ANKRD13B: variants seen among roughly 807,000 people sequenced by gnomAD.
The protein encoded by ANKRD13B is ankyrin repeat domain-containing protein 13B.
A neutral mutation model predicts 74.4 loss-of-function variants in ANKRD13B; 33 were observed. The ratio of observed to expected loss-of-function variants is 0.44; its 90% CI spans 0.34 to 0.59. The LOEUF is 0.59. Among genes scored for constraint, ANKRD13B ranks in the 20% least tolerant of loss-of-function variants. The pLI, the probability that ANKRD13B is intolerant of heterozygous loss-of-function variation, is 0.02. For synonymous variants in ANKRD13B, 341 were observed against 362.9 expected, an observed-to-expected ratio of 0.94 and a Z score of 0.68; for missense variants, 676 against 877.9, an observed-to-expected ratio of 0.77 and a Z score of 2.91.
intron 1 of ANKRD13B, among the ~76,000 whole-genome samples, chr17:29,603,132 A>G (rs2034242093): frequency 6.6e-6 from 1 of 151,876 alleles, no homozygotes; most frequent in African/African-American, 2.4e-5. Flanking sequence ...TACAGGCGTG[A>G]GCCACCGCAC....
At position 29,611,506 on chromosome 17, in the gene ANKRD13B, GCTGTCAC is replaced by G; in HGVS notation, c.905-70_905-64del. 1 of 1,513,010 alleles carries G rather than the reference GCTGTCAC, an allele frequency of 6.6e-7. No homozygotes were observed. The highest frequency in any genetic ancestry group is 9.2e-7 in the Non-Finnish European group (1 of 1,089,590). The allele number at this position is 1,513,010 out of a possible 1,614,324, so 93.7% of individuals were successfully genotyped here. On this transcript the variant is annotated intron_variant, in intron 8 of 14. Coordinates refer to ENST00000394859, the MANE Select transcript of ANKRD13B (RefSeq NM_152345.5). This position sits in a 1 kb window ranked among gnomAD's most constrained non-coding sequence, Gnocchi z 4.3. ...CCGGCCTCCTCCCTAGGTCTTGGGT[GCTGTCAC>G]CTCTGATGAGGTGCCCAGGTGTGTG...
chr17:29,595,100 C>G (rs1187027709), intron 1 of ANKRD13B, among the ~76,000 whole-genome samples: 1 of 152,194 alleles, frequency 6.6e-6, no homozygotes, highest in Non-Finnish European at 1.5e-5. Context: ...TCCTCAGACC[C>G]TGTCTTTGTT....
chr17:29,594,530 T>A (rs986359997), intron 1 of ANKRD13B, among the ~76,000 whole-genome samples: 1 of 152,162 alleles, frequency 6.6e-6, no homozygotes, highest in Non-Finnish European at 1.5e-5. Flanking sequence ...CTTCTGGCCA[T>A]GCTTCAGGAT....
At chr17:29,610,549 A>G (rs1567793988) in intron 7 of ANKRD13B, 136 bp from the exon 8 acceptor site, 2 of 587,636 alleles carry the variant, frequency 3.4e-6, no homozygotes, top group Non-Finnish European at 2.9e-6. Flanking sequence ...ATGACCTCAT[A>G]TATTCACTTA....
At position 29,608,088 on chromosome 17, in the gene ANKRD13B, T is replaced by C. The variant is rs775327582; in HGVS notation, c.353T>C (p.Val118Ala). The C allele has an allele frequency of 1.2e-6, 2 of 1,612,818 alleles. No individual in the cohort carries two copies. The highest frequency in any genetic ancestry group is 4.5e-5 in the East Asian group (2 of 44,878). Residue 118 changes from valine to alanine, a missense_variant, in exon 3 of 15, where the codon GTG becomes GCG. By Grantham distance (64) the Val-to-Ala change is moderately conservative. Around this residue, in one of 4 missense-constraint regions of ANKRD13B, gnomAD observed 328 missense variants for 518.4 expected, o/e 0.63. Coordinates refer to ENST00000394859, the MANE Select transcript of ANKRD13B (RefSeq NM_152345.5). The surrounding 1 kb of genome is among the most constrained non-coding windows in gnomAD (Gnocchi z 6.4). ...GTGAAGCGGCTGGCGGGCATCCCCG[T>C]GCTCCTGGAGAAGCTGCGCAAGGTG... Reference protein sequence around the residue: ...RVVKRLAGIPVLLEKLRKAQD... With the variant: ...RVVKRLAGIPALLEKLRKAQD...
Position 29,608,057 on chromosome 17 carries a change from C to T in ANKRD13B, c.322C>T (p.Arg108Trp), listed in dbSNP as rs1344657193. The part of the protein sequence containing the change: ...QLVLRYRDYQ[R>W]VVKRLAGIPV... Reference sequence around the variant, plus strand: ...GGTGCTTCGGTACCGGGACTACCAGCGGGTGGTGAAGCGGCTGGCGGGCAT... The same window carrying T: ...GGTGCTTCGGTACCGGGACTACCAGTGGGTGGTGAAGCGGCTGGCGGGCAT... Residue 108 changes from arginine to tryptophan, a missense_variant, in exon 3 of 15, where the codon CGG (arginine) becomes TGG (tryptophan). By Grantham distance (101) the Arg-to-Trp change is moderately radical (BLOSUM62 -3). Transcript: ENST00000394859. The surrounding 1 kb of genome is among the most constrained non-coding windows in gnomAD (Gnocchi z 6.4). The T allele has an allele frequency of 4.3e-6, 7 of 1,613,400 alleles. No homozygotes were observed. Among genetic ancestry groups the T allele is most frequent in the Non-Finnish European group, 5.9e-6 (7 of 1,179,716 alleles).
Position 29,607,894 on chromosome 17 carries a change from A to C in ANKRD13B, c.250+17A>C. ...GCTGGACAGGTGGGCAGCCCTGCTC[A>C]CCCCAGCCCCACAGCCGGGGCCTCC... On this transcript the variant is annotated intron_variant, in intron 2 of 14. Transcript: ENST00000394859. The C allele has an allele frequency of 6.3e-7, 1 of 1,584,724 alleles. No individual in the cohort carries two copies. Among genetic ancestry groups the C allele is most frequent in the East Asian group, 2.3e-5 (1 of 44,364 alleles).
chr17:29,609,080 T>C lies in ANKRD13B; in HGVS notation c.566-6T>C. The C allele has an allele frequency of 6.2e-7, 1 of 1,610,950 alleles. No homozygotes were observed. Among genetic ancestry groups the C allele is most frequent in the Non-Finnish European group, 8.5e-7 (1 of 1,179,420 alleles). ...TGATCCCCCTGTGCTGTTCCGTGTC[T>C]GGCAGACACAAGCGCCGTGGTCATG... On this transcript the variant is annotated splice_region_variant and splice_polypyrimidine_tract_variant and intron_variant, in intron 5 of 14. Transcript: ENST00000394859. This position sits in a 1 kb window ranked among gnomAD's most constrained non-coding sequence, Gnocchi z 4.0.
intron 1 of ANKRD13B, among the ~76,000 whole-genome samples, chr17:29,605,039 G>T (rs886332175): frequency 3.3e-5 from 5 of 152,168 alleles, no homozygotes; most frequent in Non-Finnish European, 7.4e-5. Context: ...TTTTTGTGTG[G>T]TCTTACTGAG....
intron 1 of ANKRD13B, 28 bp downstream of exon 1, chr17:29,593,763 G>T (rs891079412): frequency 3.0e-6 from 4 of 1,340,556 alleles, no homozygotes; most frequent in Non-Finnish European, 3.9e-6. Flanking sequence ...GCGCCGCGGG[G>T]ACCCCGCGGC....
chr17:29,604,707 A>G (rs532557215), intron 1 of ANKRD13B, among the ~76,000 whole-genome samples: 6 of 150,956 alleles, frequency 4.0e-5, no homozygotes, highest in Non-Finnish European at 5.9e-5. Flanking sequence ...AAGCCCGGCT[A>G]ATTTTTTGTA....
chr17:29,601,191 A>T (rs1280304601), intron 1 of ANKRD13B, among the ~76,000 whole-genome samples: 1 of 147,468 alleles, frequency 6.8e-6, no homozygotes, highest in African/African-American at 2.5e-5. Flanking sequence ...CCCAAAGCTT[A>T]CAGGCATGAG....
chr17:29,610,346 A>T (rs758721594), intron 7 of ANKRD13B, among the ~76,000 whole-genome samples: 1 of 151,958 alleles, frequency 6.6e-6, no homozygotes, highest in Non-Finnish European at 1.5e-5. Context: ...CCTCTGTGCT[A>T]CCCCCACCAG....
intron 1 of ANKRD13B, among the ~76,000 whole-genome samples, chr17:29,604,703 G>C (rs1462006391): frequency 6.6e-6 from 1 of 151,548 alleles, no homozygotes; most frequent in East Asian, 1.9e-4. Context: ...CACCAAGCCC[G>C]GCTAATTTTT....
At chr17:29,595,069 G>A (rs1036955864) in intron 1 of ANKRD13B, among the ~76,000 whole-genome samples, 3 of 152,202 alleles carry the variant, frequency 2.0e-5, no homozygotes, top group Non-Finnish European at 4.4e-5. Flanking sequence ...AGCACTCTCC[G>A]AGTTTCTCCT....
chr17:29,613,168 G>A lies in ANKRD13B; in HGVS notation c.1653-186G>A. The A allele has an allele frequency of 2.6e-6, 3 of 1,174,512 alleles. 1 individual carries two copies. Among genetic ancestry groups the A allele is most frequent in the Non-Finnish European group, 3.5e-6 (3 of 858,776 alleles). 72.8% of individuals were successfully genotyped at this position (1,174,512 alleles called of 1,614,324 possible). ...GGAGTTCAGACTCTCCCCAGGCATT[G>A]ACGGGGAGAACTTGGTAGGGTCTGG... On this transcript the variant is annotated intron_variant, in intron 14 of 14. Transcript: ENST00000394859.
At position 29,613,641 on chromosome 17, in the gene ANKRD13B, G is replaced by A. The variant is rs2034694013; in HGVS notation, c.*59G>A. 4.3e-6 allele frequency: 6 copies of A among 1,379,848 alleles called. No homozygotes were observed. The East Asian group carries it at 1.9e-4, about 44-fold the overall frequency. The allele number at this position is 1,379,848 out of a possible 1,614,324, so 85.5% of individuals were successfully genotyped here. Reference sequence around the variant, plus strand: ...GCGCCACGCCCAGGGCCAGGAGCCAGACAAACCCCGGCCTGCGCGCCTGCA... The same window carrying A: ...GCGCCACGCCCAGGGCCAGGAGCCAAACAAACCCCGGCCTGCGCGCCTGCA... On this transcript the variant is annotated 3_prime_UTR_variant, in exon 15 of 15. Transcript: ENST00000394859.
At position 29,612,439 on chromosome 17, in the gene ANKRD13B, C is replaced by T; in HGVS notation, c.1296C>T (p.Thr432=). 1.2e-6 allele frequency: 2 copies of T among 1,610,368 alleles called. No individual in the cohort carries two copies. Among genetic ancestry groups the T allele is most frequent in the Non-Finnish European group, 1.7e-6 (2 of 1,178,400 alleles). The part of the protein sequence containing the change: ...PIFHILNARI[T]FGNLNGCDEP... ...TCCACATCCTCAACGCCCGCATCAC[C>T]TTCGGGAACCTCAACGGCTGCGACG... Residue 432 remains threonine (T), a synonymous_variant, in exon 12 of 15, where the codon ACC becomes ACT. Transcript: ENST00000394859. The surrounding 1 kb of genome is among the most constrained non-coding windows in gnomAD (Gnocchi z 6.1).
chr17:29,610,607 G>A lies in ANKRD13B; in HGVS notation c.823-78G>A, dbSNP rs905800672. 9.2e-5 allele frequency: 122 copies of A among 1,329,382 alleles called. No homozygotes were observed. The Admixed American group carries it at 2.0e-3, about 21-fold the overall frequency. The allele number at this position is 1,329,382 out of a possible 1,614,324, so 82.3% of individuals were successfully genotyped here. ...TCTCCAGGACCCTTTGCTACAGGGA[G>A]TGTTCCCAGTGCCCTTAGGGGTAAG... On this transcript the variant is annotated intron_variant, in intron 7 of 14. Coordinates refer to ENST00000394859, the MANE Select transcript of ANKRD13B (RefSeq NM_152345.5).
Sources: gnomAD v4.1 joint callset for allele counts (sites outside exome capture counted in the v4.1 genomes callset) on GRCh38, gnomAD v4.1.1 for gene constraint, gnomAD v4.1.1 regional missense constraint, Gnocchi (gnomAD v3.1) non-coding constraint, MANE v1.5 for transcripts, NCBI Gene and HGNC (gene_info 2026-07-23, HGNC 2026-07-21) for gene names.